Variants in PDE6B observed in about 807,000 individuals in gnomAD.
PDE6B encodes phosphodiesterase 6B, also known as rod cGMP-specific 3',5'-cyclic phosphodiesterase subunit beta.
In PDE6B, 106 loss-of-function variants were observed where a neutral mutation model predicts 109.0. That is an observed-to-expected ratio of 0.97 (90% CI 0.83 to 1.14). The LOEUF (loss-of-function observed/expected upper bound fraction) is 1.14. PDE6B is among the 50% of genes most tolerant of loss of function. The probability of loss-of-function intolerance (pLI) is 0.00; values close to 1 mark genes in which losing one functional copy is unlikely to be tolerated. For missense variants in PDE6B, 1,193 were observed against 1,155.6 expected, an observed-to-expected ratio of 1.03 and a Z score of -0.47; for synonymous variants, 490 against 471.3, an observed-to-expected ratio of 1.04 and a Z score of -0.51.
Position 657,397 on chromosome 4 carries a change from A to G in PDE6B, c.1304A>G (p.Tyr435Cys). The change falls in exon 10 of 22, where the codon TAC (tyrosine) becomes TGC (cysteine). Residue 435 changes from tyrosine (Y) to cysteine (C), a missense_variant. By Grantham distance (194) the Tyr-to-Cys change is radical (BLOSUM62 -2). Coordinates refer to ENST00000496514, the MANE Select transcript of PDE6B (RefSeq NM_000283.4). ...LGWSVMNTDT[Y>C]DKMNKLENRK... Reference sequence around the variant, plus strand: ...TGGTCAGTGATGAACACCGACACCTACGACAAGATGAACAAGCTGGAGAAC... The same window carrying G: ...TGGTCAGTGATGAACACCGACACCTGCGACAAGATGAACAAGCTGGAGAAC... 1 of 1,613,220 alleles carries G rather than the reference A, an allele frequency of 6.2e-7. No homozygotes were observed. The highest frequency in any genetic ancestry group is 8.5e-7 in the Non-Finnish European group (1 of 1,179,814).
rs565802140 is a variant in PDE6B at position 662,076 on chromosome 4, G to A, written c.1615-58G>A. 305 of 816,998 alleles carry A rather than the reference G, an allele frequency of 3.7e-4. 3 individuals carry two copies. The South Asian group carries it at 4.2e-3, about 11-fold the overall frequency. 50.6% of individuals were successfully genotyped at this position (816,998 alleles called of 1,614,324 possible). On this transcript the variant is annotated intron_variant, in intron 12 of 21. Transcript: ENST00000496514. The surrounding 1 kb of genome is among the most constrained non-coding windows in gnomAD (Gnocchi z 4.3). Reference sequence around the variant, plus strand: ...CACTGTGAAGTCAGCCACAGGTGCCGCTCTGGCGGGACTTACACGCTTGCC... The same window carrying A: ...CACTGTGAAGTCAGCCACAGGTGCCACTCTGGCGGGACTTACACGCTTGCC...
At position 667,873 on chromosome 4, in the gene PDE6B, C is replaced by G. The variant is rs753602004; in HGVS notation, c.2370C>G (p.His790Gln). 1.9e-6 allele frequency: 3 copies of G among 1,613,254 alleles called. No individual in the cohort carries two copies. Among genetic ancestry groups the G allele is most frequent in the African/African-American group, 1.3e-5 (1 of 75,012 alleles). The change falls in exon 21 of 22, where the codon CAC (histidine) becomes CAG (glutamine). Residue 790 changes from histidine (H) to glutamine (Q), a missense_variant. Transcript: ENST00000496514. ...TFVYKEFSRF[H>Q]EEILPMFDRL... The stretch of plus-strand genomic sequence containing the variant: ...CCCCTCAGGAGTTCTCTCGTTTCCA[C>G]GAAGAGATCCTGCCCATGTTCGACC...
chr4:627,520 G>C (rs1461514612), intron 1 of PDE6B, among the ~76,000 whole-genome samples: 3 of 152,066 alleles, frequency 2.0e-5, no homozygotes, highest in African/African-American at 7.2e-5. Context: ...TAATCCCCGG[G>C]TTACCTTCAT....
rs757484823 is a variant in PDE6B at position 664,199 on chromosome 4, A to G, written c.2107A>G (p.Thr703Ala). Residue 703 changes from threonine (T) to alanine (A), a missense_variant, in exon 17 of 22, where the codon ACG becomes GCG. Thr to Ala is a moderately conservative substitution (Grantham distance 58, BLOSUM62 0). Coordinates refer to ENST00000496514, the MANE Select transcript of PDE6B (RefSeq NM_000283.4). The part of the protein sequence containing the change: ...KSWVEYLSLE[T>A]TRKEIVMAMM... Reference sequence around the variant, plus strand: ...CTGGGTGGAGTACCTGTCCCTGGAGACGACCCGGAAGGAGATCGTCATGTG... The same window carrying G: ...CTGGGTGGAGTACCTGTCCCTGGAGGCGACCCGGAAGGAGATCGTCATGTG... 4 of 1,605,608 alleles carry G rather than the reference A, an allele frequency of 2.5e-6. No homozygotes were observed. The Admixed American group carries it at 5.0e-5, about 20-fold the overall frequency.
chr4:655,038 C>T (rs760906164), intron 6 of PDE6B, 150 bp downstream of exon 6: 37 of 685,462 alleles, frequency 5.4e-5, no homozygotes, highest in East Asian at 2.1e-4. Flanking sequence ...CTCTGTGTGC[C>T]GTGGGGCATA....
At chr4:664,396 A>G (rs538743769) in intron 17 of PDE6B, among the ~76,000 whole-genome samples, 175 bp downstream of exon 17, 4 of 152,260 alleles carry the variant, frequency 2.6e-5, no homozygotes, top group Non-Finnish European at 1.5e-5. Context: ...CCCAGCTCTC[A>G]GGGAGATGGT....
intron 10 of PDE6B, among the ~76,000 whole-genome samples, chr4:658,445 G>A (rs1471055641): frequency 2.0e-5 from 3 of 150,884 alleles, no homozygotes; most frequent in East Asian, 2.0e-4. Flanking sequence ...ATGGCTGTGC[G>A]GTGGGGGCAG....
chr4:662,595 C>T lies in PDE6B; in HGVS notation c.1809C>T (p.Gly603=), dbSNP rs1737239391. 6.2e-7 allele frequency: 1 copy of T among 1,610,184 alleles called. No homozygotes were observed. The highest frequency in any genetic ancestry group is 1.7e-5 in the Admixed American group (1 of 60,004). Residue 603 remains glycine (G), a synonymous_variant, in exon 14 of 22, where the codon GGC becomes GGT. Coordinates refer to ENST00000496514, the MANE Select transcript of PDE6B (RefSeq NM_000283.4). This position sits in a 1 kb window ranked among gnomAD's most constrained non-coding sequence, Gnocchi z 4.3. ...TGTGCCATGACATCGACCACCGCGG[C>T]ACCAACAACCTGTACCAGATGAAGT... ...AGLCHDIDHR[G]TNNLYQMKSQ...
chr4:658,051 TG>T (rs1736561360), intron 10 of PDE6B, among the ~76,000 whole-genome samples: 1 of 31,744 alleles, frequency 3.2e-5, no homozygotes, highest in Non-Finnish European at 6.0e-5. Context: ...GGCTGTGTGG[TG>T]GGGGCAGGTC....
chr4:640,565 T>G lies in PDE6B; in HGVS notation c.711+4596T>G, dbSNP rs1157253202. ...GGAAAAAAAAAATCCAACTTAGCAT[T>G]TTTTTTCCCTCATGGATTGTATTTT... On this transcript the variant is annotated intron_variant, in intron 3 of 21. Transcript: ENST00000496514. Among the ~76,000 whole-genome samples the G allele has an allele frequency of 1.3e-5, 2 of 152,112 alleles. 1 individual carries two copies. Among genetic ancestry groups the G allele is most frequent in the Non-Finnish European group, 2.9e-5 (2 of 68,008 alleles).
chr4:634,815 A>C lies in PDE6B; in HGVS notation c.607A>C (p.Ser203Arg). 1 of 1,613,914 alleles carries C rather than the reference A, an allele frequency of 6.2e-7. No individual in the cohort carries two copies. Among genetic ancestry groups the C allele is most frequent in the Non-Finnish European group, 8.5e-7 (1 of 1,179,826 alleles). ...CAAGCTCAACGGCCCATTCTTCACC[A>C]GCGAAGACGAAGATGTGAGTGTGGG... ...VNKLNGPFFTSEDEDVFLKYL... is the reference protein window; with the variant it reads ...VNKLNGPFFTREDEDVFLKYL... The change falls in exon 2 of 22, where the codon AGC (serine) becomes CGC (arginine). Residue 203 changes from serine (S) to arginine (R), a missense_variant. By Grantham distance (110) the Ser-to-Arg change is moderately radical (BLOSUM62 -1). Transcript: ENST00000496514.
rs565578706 is a variant in PDE6B at position 636,728 on chromosome 4, C to T, written c.711+759C>T. Among the ~76,000 whole-genome samples, 4 of 152,328 alleles carry T rather than the reference C, an allele frequency of 2.6e-5. No homozygotes were observed. The highest frequency in any genetic ancestry group is 9.6e-5 in the African/African-American group (4 of 41,580). On this transcript the variant is annotated intron_variant, in intron 3 of 21. Transcript: ENST00000496514. This position sits in a 1 kb window ranked among gnomAD's most constrained non-coding sequence, Gnocchi z 4.5. ...GCTGCCTGGCCCTGGTCACCTGCTGCGAGCCTGCTGAACGTGGCGAGAGGC... is the reference window on the plus strand; with the variant it reads ...GCTGCCTGGCCCTGGTCACCTGCTGTGAGCCTGCTGAACGTGGCGAGAGGC...
At position 670,296 on chromosome 4, in the gene PDE6B, G is replaced by A. The variant is rs1738375196; in HGVS notation, c.*189G>A. On this transcript the variant is annotated 3_prime_UTR_variant, in exon 22 of 22. Transcript: ENST00000496514. ...CTTGCTCTGTCACCCAGGCTGGAGTGCCGTGGCACGATCTCAGCTCACTGC... is the reference window on the plus strand; with the variant it reads ...CTTGCTCTGTCACCCAGGCTGGAGTACCGTGGCACGATCTCAGCTCACTGC... 1.3e-6 allele frequency: 1 copy of A among 754,418 alleles called. No individual in the cohort carries two copies. Among genetic ancestry groups the A allele is most frequent in the Non-Finnish European group, 2.0e-6 (1 of 509,942 alleles). 46.7% of individuals were successfully genotyped at this position (754,418 alleles called of 1,614,324 possible).
intron 3 of PDE6B, among the ~76,000 whole-genome samples, chr4:646,400 A>G (rs1340811524): frequency 6.6e-6 from 1 of 151,576 alleles, no homozygotes; most frequent in South Asian, 2.1e-4. Context: ...CGAGGTTTTC[A>G]GCTTGGTTGT....
chr4:629,727 T>C (rs1377685231), intron 1 of PDE6B, among the ~76,000 whole-genome samples: 1 of 151,592 alleles, frequency 6.6e-6, no homozygotes, highest in Non-Finnish European at 1.5e-5. Context: ...AATCCGGAGA[T>C]AGAGGGAGGA....
At chr4:644,494 C>G (rs1735104226) in intron 3 of PDE6B, among the ~76,000 whole-genome samples, 2 of 151,820 alleles carry the variant, frequency 1.3e-5, no homozygotes, top group African/African-American at 4.9e-5. Flanking sequence ...TTATAGATGT[C>G]AATTATGTCC....
intron 6 of PDE6B, 34 bp from the exon 7 acceptor site, chr4:655,906 C>T (rs751209161): frequency 5.2e-6 from 7 of 1,357,096 alleles, no homozygotes; most frequent in African/African-American, 1.4e-5. Flanking sequence ...TCCAGCCCGG[C>T]GTGGCCTATC....
intron 1 of PDE6B, among the ~76,000 whole-genome samples, chr4:632,151 T>A (rs13133935): frequency 0.027 from 4,149 of 151,080 alleles, 66 homozygotes; most frequent in Middle Eastern, 0.038. Flanking sequence ...TTCCAGAATC[T>A]CTGGTATATG....
rs1321075683 is a variant in PDE6B at position 660,542 on chromosome 4, G to A, written c.1543G>A (p.Asp515Asn). The A allele has an allele frequency of 6.2e-7, 1 of 1,613,808 alleles. No homozygotes were observed. The highest frequency in any genetic ancestry group is 8.5e-7 in the Non-Finnish European group (1 of 1,179,846). The change falls in exon 12 of 22, where the codon GAC (aspartate) becomes AAC (asparagine). Residue 515 changes from aspartate (D) to asparagine (N), a missense_variant. Coordinates refer to ENST00000496514, the MANE Select transcript of PDE6B (RefSeq NM_000283.4). ...HFSDLECTELDLVKCGIQMYY... is the reference protein window; with the variant it reads ...HFSDLECTELNLVKCGIQMYY... The stretch of plus-strand genomic sequence containing the variant: ...CTCTGACCTGGAGTGCACCGAACTG[G>A]ACCTGGTCAAATGTGGCATCCAGAT...
Sources: gnomAD v4.1 joint callset for allele counts (sites outside exome capture counted in the v4.1 genomes callset) on GRCh38, gnomAD v4.1.1 for gene constraint, Gnocchi (gnomAD v3.1) non-coding constraint, MANE v1.5 for transcripts, NCBI Gene and HGNC (gene_info 2026-07-23, HGNC 2026-07-21) for gene names.